WASL: variants seen among roughly 807,000 people sequenced by gnomAD.
WASL encodes WASP like actin nucleation promoting factor, also known as actin nucleation-promoting factor WASL.
Under a neutral mutation model 55.5 loss-of-function variants are expected in WASL, and 20 were observed. That is an observed-to-expected ratio of 0.36 (90% CI 0.25 to 0.52). WASL has a LOEUF of 0.52. Among genes scored for constraint, WASL ranks in the 20% least tolerant of loss-of-function variants. The probability of loss-of-function intolerance (pLI) is 0.92; values close to 1 mark genes in which losing one functional copy is unlikely to be tolerated. For missense variants in WASL, 504 were observed against 622.5 expected, an observed-to-expected ratio of 0.81 and a Z score of 2.03; for synonymous variants, 249 against 217.6, an observed-to-expected ratio of 1.14 and a Z score of -1.27.
At chr7:123,724,480 A>T (rs1804008762) in intron 1 of WASL, among the ~76,000 whole-genome samples, 2 of 152,194 alleles carry the variant, frequency 1.3e-5, no homozygotes, top group African/African-American at 4.8e-5. Flanking sequence ...TCATTTATAC[A>T]TCCAATAAAG....
At chr7:123,701,334 G>C (rs1466803104) in intron 5 of WASL, among the ~76,000 whole-genome samples, 1 of 152,176 alleles carries the variant, frequency 6.6e-6, no homozygotes, top group Non-Finnish European at 1.5e-5. Flanking sequence ...CTTGTGAACA[G>C]ACATGTCTAG....
Position 123,695,814 on chromosome 7 carries a change from C to G in WASL, c.672+9G>C. 6.2e-7 allele frequency: 1 copy of G among 1,611,856 alleles called. No homozygotes were observed. Among genetic ancestry groups the G allele is most frequent in the Non-Finnish European group, 8.5e-7 (1 of 1,178,520 alleles). The stretch of plus-strand genomic sequence containing the variant: ...AGTTATAACGTATATGATTTGAAAA[C>G]ATACTTACATCAAAGCCTGTATTTG... On this transcript the variant is annotated intron_variant, in intron 7 of 10. Coordinates refer to ENST00000223023, the MANE Select transcript of WASL (RefSeq NM_003941.4).
At chr7:123,718,357 A>C (rs753873751) in intron 1 of WASL, among the ~76,000 whole-genome samples, 5 of 152,188 alleles carry the variant, frequency 3.3e-5, no homozygotes, top group Admixed American at 6.5e-5. Context: ...AAGAAAACAA[A>C]CAACTATCTA....
At chr7:123,744,760 CAT>C (rs1363736356) in intron 1 of WASL, among the ~76,000 whole-genome samples, 2 of 152,154 alleles carry the variant, frequency 1.3e-5, no homozygotes, top group African/African-American at 4.8e-5. Flanking sequence ...CAAAACTGCA[CAT>C]ACTCTTTATA....
At position 123,748,537 on chromosome 7, in the gene WASL, T is replaced by TC. The variant is rs1264530013; in HGVS notation, c.117+80dup. 19 of 1,492,418 alleles carry TC rather than the reference T, an allele frequency of 1.3e-5. No homozygotes were observed. The East Asian group carries it at 4.3e-4, about 34-fold the overall frequency. 92.4% of individuals were successfully genotyped at this position (1,492,418 alleles called of 1,614,324 possible). On this transcript the variant is annotated intron_variant, in intron 1 of 10. Transcript: ENST00000223023. ...CTGGCCCGCGCCGCTCCCGCCTCCT[T>TC]CCCCACTCCCACTTCCCGGCCCCCA...
At chr7:123,686,633 G>A (rs1359617042) in intron 10 of WASL, among the ~76,000 whole-genome samples, 1 of 152,010 alleles carries the variant, frequency 6.6e-6, no homozygotes, top group African/African-American at 2.4e-5. Flanking sequence ...TACCAGCATA[G>A]AATAAATGCT....
intron 1 of WASL, among the ~76,000 whole-genome samples, chr7:123,710,400 C>G (rs974330890): frequency 2.0e-5 from 3 of 151,800 alleles, no homozygotes; most frequent in African/African-American, 7.3e-5. Context: ...GGAATTTGGG[C>G]TCTGTAATAA....
At chr7:123,722,025 G>A (rs542876926) in intron 1 of WASL, among the ~76,000 whole-genome samples, 5 of 152,212 alleles carry the variant, frequency 3.3e-5, no homozygotes, top group South Asian at 2.1e-4. Flanking sequence ...AGGGGCAGGC[G>A]GGAGGGTACT....
chr7:123,740,206 CAT>C (rs1182774162), intron 1 of WASL, among the ~76,000 whole-genome samples: 2 of 151,928 alleles, frequency 1.3e-5, no homozygotes, highest in Admixed American at 6.6e-5. Flanking sequence ...AGATATATCT[CAT>C]ATATTATCTT....
chr7:123,690,086 A>G (rs1390187694), intron 9 of WASL, among the ~76,000 whole-genome samples: 1 of 152,182 alleles, frequency 6.6e-6, no homozygotes, highest in Non-Finnish European at 1.5e-5. Context: ...AAGTACCACA[A>G]ATGAAAAAAG....
At chr7:123,695,767 A>C (rs1803480057) in intron 7 of WASL, 56 bp downstream of exon 7, 7 of 1,549,870 alleles carry the variant, frequency 4.5e-6, no homozygotes. Context: ...AATCTAAAAT[A>C]GGCCAACACA....
At chr7:123,723,010 C>A (rs1803977982) in intron 1 of WASL, among the ~76,000 whole-genome samples, 1 of 152,078 alleles carries the variant, frequency 6.6e-6, no homozygotes, top group South Asian at 2.1e-4. Context: ...CACTTATTAG[C>A]AATGTGGTTT....
chr7:123,739,073 C>T (rs148287742), intron 1 of WASL, among the ~76,000 whole-genome samples: 1 of 152,234 alleles, frequency 6.6e-6, no homozygotes, highest in East Asian at 1.9e-4. Flanking sequence ...ATTTAGTAAA[C>T]AATAAAGTAT....
At chr7:123,730,482 A>C (rs1260258839) in intron 1 of WASL, among the ~76,000 whole-genome samples, 1 of 152,218 alleles carries the variant, frequency 6.6e-6, no homozygotes, top group Non-Finnish European at 1.5e-5. Flanking sequence ...CTAGAGTATA[A>C]TTCGATACTA....
At chr7:123,730,658 AAC>A (rs1414759326) in intron 1 of WASL, among the ~76,000 whole-genome samples, 2 of 152,226 alleles carry the variant, frequency 1.3e-5, no homozygotes, top group Non-Finnish European at 1.5e-5. Context: ...GGACAACAAA[AAC>A]AGTTACAGTT....
Position 123,704,509 on chromosome 7 carries a change from T to A in WASL, c.460+125A>T. 14 of 699,552 alleles carry A rather than the reference T, an allele frequency of 2.0e-5. No homozygotes were observed. The South Asian group carries it at 2.8e-4, about 14-fold the overall frequency. The allele number at this position is 699,552 out of a possible 1,614,324, so 43.3% of individuals were successfully genotyped here. A position where few individuals can be genotyped will look rare whatever the true frequency, so the allele number is the denominator to read the frequency against. On this transcript the variant is annotated intron_variant, in intron 5 of 10. Transcript: ENST00000223023. ...CTAAACATTACTTACTAATGTATGG[T>A]ACATGTTTCCACAAGGATTAACATG...
chr7:123,737,552 G>A (rs951667717), intron 1 of WASL, among the ~76,000 whole-genome samples: 2 of 133,210 alleles, frequency 1.5e-5, no homozygotes, highest in African/African-American at 5.7e-5. Flanking sequence ...CAGAGATAGC[G>A]CCACTGTACT....
rs1415891600 is a variant in WASL, at chr7:123,700,444, CTCT to C, written c.461-3700_461-3698del. Among the ~76,000 whole-genome samples the C allele has an allele frequency of 9.6e-5, 7 of 73,026 alleles. No individual in the cohort carries two copies. In the Admixed American group the frequency reaches 1.0e-3, roughly 11 times the overall value. The allele number at this position is 73,026 out of a possible 152,430, so 47.9% of individuals were successfully genotyped here. A position where few individuals can be genotyped will look rare whatever the true frequency, so the allele number is the denominator to read the frequency against. On this transcript the variant is annotated intron_variant, in intron 5 of 10. Transcript: ENST00000223023. The stretch of plus-strand genomic sequence containing the variant: ...CTACCCTTCCAATTAACTACTTTAC[CTCT>C]TTTTTTTTTTTGAGATGGAGTCTCA...
At position 123,683,920 on chromosome 7, in the gene WASL, G is replaced by A. The variant is rs778267190; in HGVS notation, c.*599C>T. On this transcript the variant is annotated 3_prime_UTR_variant, in exon 11 of 11. Coordinates refer to ENST00000223023, the MANE Select transcript of WASL (RefSeq NM_003941.4). ...AACAGGCAGTATTACTGTAAGAGGT[G>A]TGTTAATCGTCTTCCCCACTAGTAT... 9 of 152,016 alleles carry A rather than the reference G, an allele frequency of 5.9e-5. No homozygotes were observed. Among genetic ancestry groups the A allele is most frequent in the Non-Finnish European group, 1.0e-4 (7 of 67,938 alleles). The allele number at this position is 152,016 out of a possible 1,614,324, so 9.4% of individuals were successfully genotyped here.
Sources: gnomAD v4.1 joint callset for allele counts (sites outside exome capture counted in the v4.1 genomes callset) on GRCh38, gnomAD v4.1.1 for gene constraint, MANE v1.5 for transcripts, NCBI Gene and HGNC (gene_info 2026-07-23, HGNC 2026-07-21) for gene names.